The following GNAO1 variants were observed in gnomAD, a reference collection of about 807,000 sequenced individuals.
GNAO1 encodes the protein G protein subunit alpha o1.
For synonymous variants in GNAO1, 164 were observed against 180.7 expected, an observed-to-expected ratio of 0.91 and a Z score of 0.74; for missense variants, 166 against 478.7, an observed-to-expected ratio of 0.35 and a Z score of 6.10.
At chr16:56,205,265 A>G (rs2036316746) in intron 2 of GNAO1, among the ~76,000 whole-genome samples, 1 of 152,350 alleles carries the variant, frequency 6.6e-6, no homozygotes, top group East Asian at 1.9e-4. Flanking sequence ...GTACAAAGAC[A>G]AAACAACTCC....
intron 2 of GNAO1, among the ~76,000 whole-genome samples, chr16:56,204,138 A>G (rs773241222): frequency 6.6e-6 from 1 of 152,168 alleles, no homozygotes; most frequent in Non-Finnish European, 1.5e-5. Context: ...GAGAGAGTAT[A>G]TCAGAGAACT....
At chr16:56,235,182 T>G (rs1025042555) in intron 2 of GNAO1, 3 of 383,724 alleles carry the variant, frequency 7.8e-6, no homozygotes, top group Non-Finnish European at 1.5e-5. Context: ...GGCTGGTGAT[T>G]GAGACAAGTT....
At chr16:56,309,742 T>A (rs568949418) in intron 3 of GNAO1, among the ~76,000 whole-genome samples, 2 of 152,324 alleles carry the variant, frequency 1.3e-5, no homozygotes, top group South Asian at 4.1e-4. Context: ...GACCCACTGC[T>A]CCTGTGCGTG....
At chr16:56,348,178 A>G (rs2037890920) in intron 6 of GNAO1, 8 of 984,194 alleles carry the variant, frequency 8.1e-6, no homozygotes, top group Non-Finnish European at 9.7e-6. Flanking sequence ...CCTACCGTTA[A>G]TAAAAAGTGC....
At chr16:56,285,307 A>G (rs1239174601) in intron 3 of GNAO1, among the ~76,000 whole-genome samples, 1 of 151,118 alleles carries the variant, frequency 6.6e-6, no homozygotes, top group Non-Finnish European at 1.5e-5. Flanking sequence ...GGAAAATGTT[A>G]TAACCACGTA....
rs143782552 is a variant in GNAO1 at position 56,224,371 on chromosome 16, C to T, written c.161+31755C>T. Among the ~76,000 whole-genome samples the T allele has an allele frequency of 1.2e-4, 19 of 152,280 alleles. No individual in the cohort carries two copies. The East Asian group carries it at 3.7e-3, about 29-fold the overall frequency. Reference sequence around the variant, plus strand: ...TCTCTAGACCTCCTTAGGCTGCTACCCGGTAGGATAGCAGCCAGATAGATG... The same window carrying T: ...TCTCTAGACCTCCTTAGGCTGCTACTCGGTAGGATAGCAGCCAGATAGATG... On this transcript the variant is annotated intron_variant, in intron 2 of 8. Transcript: ENST00000262493.
At chr16:56,342,687 G>C (rs2037817439) in intron 6 of GNAO1, among the ~76,000 whole-genome samples, 1 of 152,226 alleles carries the variant, frequency 6.6e-6, no homozygotes, top group East Asian at 1.9e-4. Flanking sequence ...GTGATATCAA[G>C]GCCTGCTCTG....
At chr16:56,276,165 A>G (rs2037060011) in intron 3 of GNAO1, 93 bp downstream of exon 3, 1 of 1,026,550 alleles carries the variant, frequency 9.7e-7, no homozygotes. Context: ...CCTTAAATGA[A>G]CGAGAAGAGA....
intron 2 of GNAO1, among the ~76,000 whole-genome samples, chr16:56,262,395 G>T (rs2036911774): frequency 6.6e-6 from 1 of 152,172 alleles, no homozygotes; most frequent in African/African-American, 2.4e-5. Flanking sequence ...GGTAACCTGG[G>T]TTTGTAAAAG....
intron 6 of GNAO1, chr16:56,346,062 C>T: frequency 1.0e-6 from 1 of 985,570 alleles, no homozygotes; most frequent in Non-Finnish European, 1.2e-6. Flanking sequence ...CCTTCCTGCC[C>T]TCCATCCCCA....
chr16:56,353,897 G>C (rs886570386), intron 7 of GNAO1, among the ~76,000 whole-genome samples: 1 of 152,204 alleles, frequency 6.6e-6, no homozygotes, highest in South Asian at 2.1e-4. Context: ...CTTGCCCCTT[G>C]TACACCCAAG....
At chr16:56,256,377 TAC>T (rs1156653915) in intron 2 of GNAO1, among the ~76,000 whole-genome samples, 1 of 152,018 alleles carries the variant, frequency 6.6e-6, no homozygotes, top group African/African-American at 2.4e-5. Context: ...TCCACCCACA[TAC>T]ACACACACAC....
chr16:56,304,923 A>G (rs1321280642), intron 3 of GNAO1, among the ~76,000 whole-genome samples: 2 of 152,262 alleles, frequency 1.3e-5, no homozygotes, highest in Non-Finnish European at 2.9e-5. Context: ...ACTGGAGTGC[A>G]TCAGCACTCG....
intron 6 of GNAO1, 26 bp downstream of exon 6, chr16:56,336,886 G>T (rs933814130): frequency 6.3e-7 from 1 of 1,596,668 alleles, no homozygotes; most frequent in Non-Finnish European, 8.5e-7. Context: ...CCCCCGGGCA[G>T]GGGGCAGCGC....
At chr16:56,262,568 G>A (rs1371055559) in intron 2 of GNAO1, among the ~76,000 whole-genome samples, 1 of 151,984 alleles carries the variant, frequency 6.6e-6, no homozygotes, top group Non-Finnish European at 1.5e-5. Context: ...CCCAAAGACT[G>A]AACAAGATGA....
intron 2 of GNAO1, among the ~76,000 whole-genome samples, chr16:56,225,718 G>T (rs777724969): frequency 1.9e-4 from 29 of 152,134 alleles, no homozygotes; most frequent in Non-Finnish European, 2.9e-4. Flanking sequence ...AGTGTCTTCT[G>T]TGTGCTCTGT....
chr16:56,271,547 G>A (rs2037018382), intron 2 of GNAO1, among the ~76,000 whole-genome samples: 1 of 152,134 alleles, frequency 6.6e-6, no homozygotes, highest in Non-Finnish European at 1.5e-5. Flanking sequence ...TCCTCCTCCT[G>A]GGTTGCAGTG....
chr16:56,331,089 G>A (rs538073491), intron 4 of GNAO1, among the ~76,000 whole-genome samples: 1 of 152,318 alleles, frequency 6.6e-6, no homozygotes, highest in African/African-American at 2.4e-5. Context: ...AAAGGAGAGG[G>A]AGGACTCACA....
At chr16:56,347,380 G>T in intron 6 of GNAO1, 4 of 985,586 alleles carry the variant, frequency 4.1e-6, no homozygotes, top group Non-Finnish European at 4.8e-6. Flanking sequence ...GATCCCAGCA[G>T]CCCAGGGAAC....
Sources: allele counts gnomAD v4.1 joint callset (sites outside exome capture counted in the v4.1 genomes callset), GRCh38; gene constraint gnomAD v4.1.1; transcripts MANE v1.5; gene names NCBI Gene and HGNC (gene_info 2026-07-23, HGNC 2026-07-21).